The following DLG2 variants were observed in gnomAD, a reference collection of about 807,000 sequenced individuals.
DLG2 encodes discs large MAGUK scaffold protein 2.
In DLG2, 45 loss-of-function variants were observed where a neutral mutation model predicts 132.5. The ratio of observed to expected loss-of-function variants is 0.34; its 90% CI spans 0.27 to 0.44. The LOEUF (loss-of-function observed/expected upper bound fraction) is 0.44. Among genes scored for constraint, DLG2 ranks in the 20% least tolerant of loss-of-function variants. The pLI is 1.00. For synonymous variants in DLG2, 424 were observed against 419.6 expected, an observed-to-expected ratio of 1.01 and a Z score of -0.13; for missense variants, 1,045 against 1,196.9, an observed-to-expected ratio of 0.87 and a Z score of 1.87.
intron 3 of DLG2, among the ~76,000 whole-genome samples, chr11:85,435,089 G>C (rs1370088541): frequency 2.0e-5 from 3 of 152,114 alleles, no homozygotes; most frequent in African/African-American, 7.2e-5. Context: ...TATAGATGCA[G>C]GAAAGGTCTT....
intron 7 of DLG2, among the ~76,000 whole-genome samples, chr11:84,338,651 A>C (rs1057106467): frequency 6.6e-6 from 1 of 151,910 alleles, no homozygotes. Context: ...GCTGAAATAC[A>C]AAAAAATTAG....
At chr11:85,433,266 C>T (rs1378875156) in intron 3 of DLG2, among the ~76,000 whole-genome samples, 1 of 152,020 alleles carries the variant, frequency 6.6e-6, no homozygotes, top group Non-Finnish European at 1.5e-5. Flanking sequence ...AACTAGTATA[C>T]AAAATAAGCA....
chr11:83,466,323 G>A (rs1223863593), intron 26 of DLG2, among the ~76,000 whole-genome samples: 1 of 152,052 alleles, frequency 6.6e-6, no homozygotes, highest in Non-Finnish European at 1.5e-5. Flanking sequence ...AAAAATGATT[G>A]CTTCCTATCA....
At chr11:83,508,915 G>A (rs2094873103) in intron 21 of DLG2, among the ~76,000 whole-genome samples, 1 of 152,202 alleles carries the variant, frequency 6.6e-6, no homozygotes, top group Non-Finnish European at 1.5e-5. Flanking sequence ...GTAGTTAATT[G>A]CCTAAGCAAT....
chr11:84,720,587 T>C (rs1279007358), intron 6 of DLG2: 12 of 630,490 alleles, frequency 1.9e-5, no homozygotes, highest in East Asian at 1.4e-4. Context: ...CTCCCTTCCC[T>C]GGGGAACGAG....
chr11:84,752,611 A>G, intron 6 of DLG2, among the ~76,000 whole-genome samples: 1 of 140,790 alleles, frequency 7.1e-6, no homozygotes, highest in East Asian at 2.1e-4. Flanking sequence ...GTACATGTGC[A>G]CATTGTGCAG....
chr11:84,355,367 G>A (rs1027941876), intron 7 of DLG2, among the ~76,000 whole-genome samples: 5 of 152,056 alleles, frequency 3.3e-5, no homozygotes, highest in African/African-American at 1.2e-4. Flanking sequence ...TTAGGAAGTG[G>A]GACCTTTGGG....
At chr11:83,590,187 AT>A (rs1565944018) in intron 19 of DLG2, among the ~76,000 whole-genome samples, 1 of 148,590 alleles carries the variant, frequency 6.7e-6, no homozygotes, top group Non-Finnish European at 1.5e-5. Flanking sequence ...CAGAATATAC[AT>A]TTTTTTCAGC....
chr11:84,854,263 GC>G (rs1410639150), intron 6 of DLG2, among the ~76,000 whole-genome samples: 1 of 151,680 alleles, frequency 6.6e-6, no homozygotes, highest in Non-Finnish European at 1.5e-5. Flanking sequence ...ATATAAACCT[GC>G]CTAACAAGTA....
At chr11:84,228,550 A>T (rs2097043178) in intron 8 of DLG2, among the ~76,000 whole-genome samples, 1 of 152,222 alleles carries the variant, frequency 6.6e-6, no homozygotes, top group African/African-American at 2.4e-5. Context: ...AATGAAGCCC[A>T]CATATTTCTA....
chr11:83,621,201 G>C (rs1010240468), intron 19 of DLG2, among the ~76,000 whole-genome samples: 4 of 151,756 alleles, frequency 2.6e-5, no homozygotes, highest in Non-Finnish European at 5.9e-5. Context: ...TTGCCTTTTT[G>C]TTTATTATTT....
chr11:85,381,345 T>G (rs1401001406), intron 3 of DLG2, among the ~76,000 whole-genome samples: 1 of 152,178 alleles, frequency 6.6e-6, no homozygotes, highest in Non-Finnish European at 1.5e-5. Context: ...AGATCCAGCC[T>G]CTTCAACATG....
chr11:83,471,023 A>C (rs904451392), intron 24 of DLG2, among the ~76,000 whole-genome samples: 3 of 151,986 alleles, frequency 2.0e-5, no homozygotes, highest in African/African-American at 7.2e-5. Flanking sequence ...CAGAGCAGTT[A>C]GAATCTAATA....
At chr11:85,583,369 T>C (rs187453748) in intron 3 of DLG2, among the ~76,000 whole-genome samples, 6 of 150,542 alleles carry the variant, frequency 4.0e-5, no homozygotes, top group African/African-American at 1.5e-4. Context: ...GTTGTTGTTG[T>C]TGAGACAGGG....
intron 10 of DLG2, among the ~76,000 whole-genome samples, chr11:84,078,247 T>A (rs531401172): frequency 1.3e-5 from 2 of 152,200 alleles, no homozygotes; most frequent in African/African-American, 4.8e-5. Flanking sequence ...ATCTTGTTCA[T>A]ATAAACAGGT....
At chr11:83,530,739 C>A (rs2095718345) in intron 21 of DLG2, among the ~76,000 whole-genome samples, 1 of 151,788 alleles carries the variant, frequency 6.6e-6, no homozygotes. Context: ...AAGGTTCTAG[C>A]TGGTGCAATT....
intron 6 of DLG2, among the ~76,000 whole-genome samples, chr11:84,918,704 A>G (rs2092612955): frequency 6.6e-6 from 1 of 152,180 alleles, no homozygotes; most frequent in South Asian, 2.1e-4. Context: ...TATGTGACTT[A>G]GTGTAAGTGG....
intron 21 of DLG2, among the ~76,000 whole-genome samples, chr11:83,488,350 T>A (rs2093646841): frequency 1.3e-5 from 2 of 151,936 alleles, no homozygotes; most frequent in South Asian, 4.1e-4. Context: ...TCACTATTAC[T>A]CAGAAGTCTC....
chr11:84,111,434 G>C (rs186580382), intron 9 of DLG2, among the ~76,000 whole-genome samples: 111 of 152,242 alleles, frequency 7.3e-4, no homozygotes, highest in African/African-American at 2.6e-3. Context: ...TAGATCCTCA[G>C]CATCTGGAAG....
Sources: gnomAD v4.1 joint callset for allele counts (sites outside exome capture counted in the v4.1 genomes callset) on GRCh38, gnomAD v4.1.1 for gene constraint, MANE v1.5 for transcripts, NCBI Gene and HGNC (gene_info 2026-07-23, HGNC 2026-07-21) for gene names.